The following AGAP1 variants were observed in gnomAD, a reference collection of about 807,000 sequenced individuals.
AGAP1 encodes ArfGAP with GTPase domain, ankyrin repeat and PH domain 1, also known as arf-GAP with GTPase, ANK repeat and PH domain-containing protein 1.
In AGAP1, 29 loss-of-function variants were observed where a neutral mutation model predicts 105.3. The observed-to-expected ratio is 0.28, with a 90% CI of 0.21 to 0.38. The LOEUF (loss-of-function observed/expected upper bound fraction) is 0.38, where lower values mean the gene tolerates loss of function less well. Ranked by LOEUF, AGAP1 falls within the 10% of genes least tolerant of loss-of-function variation. AGAP1 has a pLI of 1.00. For missense variants in AGAP1, 998 were observed against 1,165.1 expected, an observed-to-expected ratio of 0.86 and a Z score of 2.09; for synonymous variants, 509 against 485.9, an observed-to-expected ratio of 1.05 and a Z score of -0.63.
intron 1 of AGAP1, among the ~76,000 whole-genome samples, chr2:235,638,872 C>T (rs918493301): frequency 5.9e-5 from 9 of 152,172 alleles, no homozygotes; most frequent in African/African-American, 2.2e-4. Flanking sequence ...ATTATTTGTC[C>T]TGTGCATGTC....
rs949899862 is a variant in AGAP1 at position 235,736,429 on chromosome 2, A to G, written c.311-4534A>G. Among the ~76,000 whole-genome samples, 1 of 152,180 alleles carries G rather than the reference A, an allele frequency of 6.6e-6. No homozygotes were observed. The highest frequency in any genetic ancestry group is 2.4e-5 in the African/African-American group (1 of 41,454). On this transcript the variant is annotated intron_variant, in intron 3 of 17. Coordinates refer to ENST00000304032, the MANE Select transcript of AGAP1 (RefSeq NM_001037131.3). The surrounding 1 kb of genome is among the most constrained non-coding windows in gnomAD (Gnocchi z 5.5). ...GCACATCACTCATGGCAGATCCATT[A>G]CATGGGCCATGGGCCAAGCTGTGCA...
Position 235,566,198 on chromosome 2 carries a change from T to C in AGAP1, c.163+71349T>C, listed in dbSNP as rs1319039238. ...CCTCTGCCTCCCGGATTCAAGTGAT[T>C]CTGCTCCCTCAGCCTCCCAAGTAGC... is the stretch of plus-strand genomic sequence containing the variant. On this transcript the variant is annotated intron_variant, in intron 1 of 17. Transcript: ENST00000304032. This position sits in a 1 kb window ranked among gnomAD's most constrained non-coding sequence, Gnocchi z 5.2. Among the ~76,000 whole-genome samples, 1 of 152,086 alleles carries C rather than the reference T, an allele frequency of 6.6e-6. No homozygotes were observed. Among genetic ancestry groups the C allele is most frequent in the Non-Finnish European group, 1.5e-5 (1 of 68,012 alleles).
chr2:235,589,426 C>G (rs567949750), intron 1 of AGAP1, among the ~76,000 whole-genome samples: 1 of 151,792 alleles, frequency 6.6e-6, no homozygotes, highest in Admixed American at 6.6e-5. Flanking sequence ...AGGCTGGTCT[C>G]GAACTCCTGA....
chr2:236,052,422 G>A (rs1194030154), intron 16 of AGAP1, among the ~76,000 whole-genome samples: 2 of 152,120 alleles, frequency 1.3e-5, no homozygotes, highest in Admixed American at 6.6e-5. Context: ...CTATTCGTGC[G>A]GCCAGTTAGG....
intron 1 of AGAP1, among the ~76,000 whole-genome samples, chr2:235,638,287 G>A (rs1947076492): frequency 6.6e-6 from 1 of 152,134 alleles, no homozygotes; most frequent in Non-Finnish European, 1.5e-5. Flanking sequence ...ACCCTGAGAT[G>A]TGCTGTGAGA....
rs920917941 is a variant in AGAP1, at chr2:235,982,448, G to T, written c.1645+13825G>T. Among the ~76,000 whole-genome samples the T allele has an allele frequency of 1.3e-5, 2 of 152,192 alleles. No individual in the cohort carries two copies. The highest frequency in any genetic ancestry group is 4.8e-5 in the African/African-American group (2 of 41,438). ...ATAGCTAGGAGGTCAGAAGGAAGGG[G>T]GGACGATTCATGCAATGAGGCACTG... On this transcript the variant is annotated intron_variant, in intron 13 of 17. Coordinates refer to ENST00000304032, the MANE Select transcript of AGAP1 (RefSeq NM_001037131.3). The surrounding 1 kb of genome is among the most constrained non-coding windows in gnomAD (Gnocchi z 4.9).
intron 6 of AGAP1, among the ~76,000 whole-genome samples, chr2:235,782,668 G>A (rs1298255530): frequency 6.6e-6 from 1 of 152,174 alleles, no homozygotes; most frequent in Admixed American, 6.5e-5. Flanking sequence ...ATAGATAAAA[G>A]GTGCTGTGTA....
rs1175892389 is a variant in AGAP1 at position 235,801,217 on chromosome 2, C to T, written c.957+1695C>T. ...CAGACCAAGCTCCCATCCCGGCCTCCGCTGCTGACGGATGTTTGACCTTAG... is the reference window on the plus strand; with the variant it reads ...CAGACCAAGCTCCCATCCCGGCCTCTGCTGCTGACGGATGTTTGACCTTAG... On this transcript the variant is annotated intron_variant, in intron 8 of 17. Transcript: ENST00000304032. The surrounding 1 kb of genome is among the most constrained non-coding windows in gnomAD (Gnocchi z 6.0). Among the ~76,000 whole-genome samples the T allele has an allele frequency of 2.0e-5, 3 of 152,132 alleles. No homozygotes were observed. Among genetic ancestry groups the T allele is most frequent in the East Asian group, 1.9e-4 (1 of 5,144 alleles).
intron 1 of AGAP1, among the ~76,000 whole-genome samples, chr2:235,573,178 G>T (rs1194956673): frequency 6.8e-6 from 1 of 146,160 alleles, no homozygotes; most frequent in Admixed American, 6.8e-5. Context: ...ACAGCTCCCT[G>T]CACCCTGGAT....
chr2:236,017,874 G>A (rs1378592641), intron 13 of AGAP1, among the ~76,000 whole-genome samples: 1 of 152,170 alleles, frequency 6.6e-6, no homozygotes, highest in East Asian at 1.9e-4. Flanking sequence ...GTGATTTTCT[G>A]CAGAACAAGC....
rs937676905 is a variant in AGAP1, at chr2:236,092,823, T to C, written c.2115-27369T>C. On this transcript the variant is annotated intron_variant, in intron 16 of 17. Transcript: ENST00000304032. The surrounding 1 kb of genome is among the most constrained non-coding windows in gnomAD (Gnocchi z 4.7). ...CAGGGCTCCTTGGAGAAATGGCTCATTCCAGATCTGGTTGAGAAGTAGGGA... is the reference window on the plus strand; with the variant it reads ...CAGGGCTCCTTGGAGAAATGGCTCACTCCAGATCTGGTTGAGAAGTAGGGA... 3.2e-4 allele frequency among the ~76,000 whole-genome samples: 48 copies of C among 152,338 alleles called. No homozygotes were observed. In the Middle Eastern group the frequency reaches 0.01, roughly 32 times the overall value.
At chr2:235,540,649 G>T (rs1172421023) in intron 1 of AGAP1, among the ~76,000 whole-genome samples, 3 of 152,210 alleles carry the variant, frequency 2.0e-5, no homozygotes, top group African/African-American at 7.2e-5. Flanking sequence ...TCCCCTTGCA[G>T]TGCTGGGAGA....
Position 235,814,155 on chromosome 2 carries a change from G to C in AGAP1, c.1050+6824G>C, listed in dbSNP as rs116233449. The stretch of plus-strand genomic sequence containing the variant: ...GTCTTGGAAAATGCAGTGTTTGGGC[G>C]CAAGAACTGGAATGCCTGTCCTCGC... On this transcript the variant is annotated intron_variant, in intron 9 of 17. Coordinates refer to ENST00000304032, the MANE Select transcript of AGAP1 (RefSeq NM_001037131.3). Among the ~76,000 whole-genome samples, 379 of 152,308 alleles carry C rather than the reference G, an allele frequency of 2.5e-3. 2 individuals carry two copies. Among genetic ancestry groups the C allele is most frequent in the African/African-American group, 8.8e-3 (367 of 41,574 alleles).
At chr2:235,604,572 CTTTTTTTTT>C (rs1166523228) in intron 1 of AGAP1, among the ~76,000 whole-genome samples, 8 of 69,670 alleles carry the variant, frequency 1.1e-4, no homozygotes, top group South Asian at 6.8e-4. Flanking sequence ...TTTTTATTAT[CTTTTTTTTT>C]TTTTTTTTTT....
At position 235,555,307 on chromosome 2, in the gene AGAP1, T is replaced by C. The variant is rs1430929156; in HGVS notation, c.163+60458T>C. 6.6e-6 allele frequency among the ~76,000 whole-genome samples: 1 copy of C among 152,222 alleles called. No homozygotes were observed. The highest frequency in any genetic ancestry group is 1.5e-5 in the Non-Finnish European group (1 of 68,042). ...CTTTGTGTTCGTTGGTCTCCATTTC[T>C]AGTGTCTGAGTAAAGGCAGTCCCCA... On this transcript the variant is annotated intron_variant, in intron 1 of 17. Coordinates refer to ENST00000304032, the MANE Select transcript of AGAP1 (RefSeq NM_001037131.3). The surrounding 1 kb of genome is among the most constrained non-coding windows in gnomAD (Gnocchi z 5.1).
chr2:235,883,360 C>G lies in AGAP1; in HGVS notation c.1066C>G (p.Arg356Gly), dbSNP rs772953217. The change falls in exon 10 of 18, where the codon CGA becomes GGA. Residue 356 changes from arginine to glycine, a missense_variant. Arg to Gly is a moderately radical substitution (Grantham distance 125). Around this residue, in one of 3 missense-constraint regions of AGAP1, gnomAD observed 735 missense variants for 833.4 expected, o/e 0.88. Coordinates refer to ENST00000304032, the MANE Select transcript of AGAP1 (RefSeq NM_001037131.3). This position sits in a 1 kb window ranked among gnomAD's most constrained non-coding sequence, Gnocchi z 4.5. ...IPIKQGMLLK[R>G]SGKSLNKEWK... is the part of the protein sequence containing the mutation. ...TCCCTTGTAGGGCATGCTGTTGAAGCGAAGTGGCAAATCGTTGAATAAAGA... is the reference window on the plus strand; with the variant it reads ...TCCCTTGTAGGGCATGCTGTTGAAGGGAAGTGGCAAATCGTTGAATAAAGA... The G allele has an allele frequency of 1.9e-6, 3 of 1,613,798 alleles. No homozygotes were observed. Among genetic ancestry groups the G allele is most frequent in the Non-Finnish European group, 2.5e-6 (3 of 1,179,934 alleles).
chr2:235,699,516 C>T (rs577562261), intron 1 of AGAP1, among the ~76,000 whole-genome samples: 1 of 152,204 alleles, frequency 6.6e-6, no homozygotes, highest in Admixed American at 6.5e-5. Flanking sequence ...CTGGATACTC[C>T]CTCCCTCTTT....
At chr2:235,544,945 T>C (rs1218254883) in intron 1 of AGAP1, among the ~76,000 whole-genome samples, 1 of 152,330 alleles carries the variant, frequency 6.6e-6, no homozygotes, top group East Asian at 1.9e-4. Flanking sequence ...AAAATTTAGG[T>C]TTGAGTTTAG....
At position 235,976,695 on chromosome 2, in the gene AGAP1, T is replaced by C. The variant is rs1005977185; in HGVS notation, c.1645+8072T>C. Among the ~76,000 whole-genome samples the C allele has an allele frequency of 7.2e-5, 11 of 151,926 alleles. No individual in the cohort carries two copies. The highest frequency in any genetic ancestry group is 2.0e-4 in the Admixed American group (3 of 15,256). On this transcript the variant is annotated intron_variant, in intron 13 of 17. Transcript: ENST00000304032. This position sits in a 1 kb window ranked among gnomAD's most constrained non-coding sequence, Gnocchi z 4.5. ...AGCCATCAGGACACACATAGACCAG[T>C]GGAGAAAGCAGAAACACGCCGGGGA...
Sources: allele counts gnomAD v4.1 joint callset (sites outside exome capture counted in the v4.1 genomes callset), GRCh38; gene constraint gnomAD v4.1.1; regional missense constraint gnomAD v4.1.1; non-coding constraint Gnocchi (gnomAD v3.1); transcripts MANE v1.5; gene names NCBI Gene and HGNC (gene_info 2026-07-23, HGNC 2026-07-21).